CHD5: variants seen among roughly 807,000 people sequenced by gnomAD.
CHD5 encodes chromodomain helicase DNA binding protein 5.
Under a neutral mutation model 230.3 loss-of-function variants are expected in CHD5, and 69 were observed. The ratio of observed to expected loss-of-function variants is 0.30; its 90% confidence interval spans 0.25 to 0.37. The LOEUF is 0.37. Among genes scored for constraint, CHD5 ranks in the 10% least tolerant of loss-of-function variants. CHD5 has a pLI of 1.00. For synonymous variants in CHD5, 1,064 were observed against 1,065.9 expected (o/e 1.00, Z 0.03); for missense variants, 1,827 against 2,622.8 (o/e 0.70, Z 6.63).
In CHD5 at chr1:6,146,645, C is replaced by T. The variant is rs1356927741; in HGVS notation, c.1590+20G>A. On this transcript the variant is annotated intron_variant, in intron 10 of 41. Transcript: ENST00000262450. The surrounding 1 kb of genome is among the most constrained non-coding windows in gnomAD (Gnocchi z 5.1). Reference sequence around the variant, plus strand: ...CACCAGGTCCCGGGCCTTAGCACAGCCACCCTCCCGGGCACTCACCTGTAG... The same window carrying T: ...CACCAGGTCCCGGGCCTTAGCACAGTCACCCTCCCGGGCACTCACCTGTAG... The T allele has an allele frequency of 6.2e-7, 1 of 1,612,594 alleles. No individual in the cohort carries two copies. The highest frequency in any genetic ancestry group is 2.2e-5 in the East Asian group (1 of 44,864).
In CHD5 at chr1:6,121,855, G is replaced by A. The variant is rs1666477489; in HGVS notation, c.4700-282C>T. 2.0e-5 allele frequency among the ~76,000 whole-genome samples: 3 copies of A among 152,192 alleles called. No individual in the cohort carries two copies. Among genetic ancestry groups the A allele is most frequent in the South Asian group, 4.1e-4 (2 of 4,828 alleles). Reference sequence around the variant, plus strand: ...GCCGTGGCTGCTCATCTGGAGGCAGGGAAGTGAGGCAGATGGAGGCCCAGA... The same window carrying A: ...GCCGTGGCTGCTCATCTGGAGGCAGAGAAGTGAGGCAGATGGAGGCCCAGA... On this transcript the variant is annotated intron_variant, in intron 31 of 41. Transcript: ENST00000262450. The surrounding 1 kb of genome is among the most constrained non-coding windows in gnomAD (Gnocchi z 4.5).
chr1:6,130,216 G>A lies in CHD5; in HGVS notation c.3375C>T (p.His1125=), dbSNP rs1666633651. The change falls in exon 22 of 42, where the codon CAC becomes CAT. Residue 1125 remains histidine (H), a synonymous_variant. Transcript: ENST00000262450. The surrounding 1 kb of genome is among the most constrained non-coding windows in gnomAD (Gnocchi z 4.9). ...CAGCAGCACAGACCTGGATGTCATT[G>A]TGCGGGTTCCAGTCCGAGTCGTAGA... The part of the protein sequence containing the change: ...VIIYDSDWNP[H]NDIQAFSRAH... 1.2e-6 allele frequency: 2 copies of A among 1,614,068 alleles called. No homozygotes were observed. Among genetic ancestry groups the A allele is most frequent in the Non-Finnish European group, 1.7e-6 (2 of 1,179,974 alleles).
chr1:6,136,817 T>C lies in CHD5; in HGVS notation c.2485A>G (p.Ile829Val), dbSNP rs1163116197. 1 of 1,613,780 alleles carries C rather than the reference T, an allele frequency of 6.2e-7. No homozygotes were observed. The highest frequency in any genetic ancestry group is 8.5e-7 in the Non-Finnish European group (1 of 1,179,792). The change falls in exon 16 of 42, where the codon ATC becomes GTC. Residue 829 changes from isoleucine to valine, a missense_variant. By Grantham distance (29) the Ile-to-Val change is conservative (BLOSUM62 3). This residue lies in a region of CHD5 where 80 missense variants were observed against 96.4 expected (regional missense o/e 0.83). Coordinates refer to ENST00000262450, the MANE Select transcript of CHD5 (RefSeq NM_015557.3). ...FHVLLTSYEL[I>V]TIDQAILGSI... ...CCCAGGATGGCCTGGTCAATGGTGA[T>C]GAGCTCATAGGAGGTGAGCAGCACG...
rs1667056923 is a variant in CHD5 at position 6,154,827 on chromosome 1, C to T, written c.578G>A (p.Arg193Gln). The change falls in exon 5 of 42, where the codon CGG becomes CAG. Residue 193 changes from arginine (R) to glutamine (Q), a missense_variant. Physicochemically the swap from Arg to Gln is conservative, Grantham distance 43. Coordinates refer to ENST00000262450, the MANE Select transcript of CHD5 (RefSeq NM_015557.3). The surrounding 1 kb of genome is among the most constrained non-coding windows in gnomAD (Gnocchi z 7.0). ...KMMTVLGAKW[R>Q]EFSANNPFKG... is the part of the protein sequence containing the mutation. ...GAAGGGGTTGTTGGCGCTGAACTCC[C>T]GCCACTTGGCACCCAGGACGGTCAT... The T allele has an allele frequency of 3.1e-6, 5 of 1,614,036 alleles. No homozygotes were observed. The highest frequency in any genetic ancestry group is 4.2e-6 in the Non-Finnish European group (5 of 1,179,980).
rs1666627278 is a variant in CHD5 at position 6,129,930 on chromosome 1, T to G, written c.3387+274A>C. On this transcript the variant is annotated intron_variant, in intron 22 of 41. Coordinates refer to ENST00000262450, the MANE Select transcript of CHD5 (RefSeq NM_015557.3). The surrounding 1 kb of genome is among the most constrained non-coding windows in gnomAD (Gnocchi z 6.8). ...AGGATGATGGGAAAGACCAGATCAG[T>G]GGCCACTAGGAACTGCTGTGCGCCC... 6.6e-6 allele frequency among the ~76,000 whole-genome samples: 1 copy of G among 152,122 alleles called. No individual in the cohort carries two copies. The highest frequency in any genetic ancestry group is 2.4e-5 in the African/African-American group (1 of 41,426).
Position 6,146,924 on chromosome 1 carries a change from T to C in CHD5, c.1384-53A>G. 7.3e-7 allele frequency: 1 copy of C among 1,363,506 alleles called. No homozygotes were observed. Among genetic ancestry groups the C allele is most frequent in the South Asian group, 1.5e-5 (1 of 66,184 alleles). The allele number at this position is 1,363,506 out of a possible 1,614,324, so 84.5% of individuals were successfully genotyped here. A position where few individuals can be genotyped will look rare whatever the true frequency, so the allele number is the denominator to read the frequency against. ...GGGGCTCAGCTGCAGGGCCCCACCCTGAGGCTCCCATGACAGCAGGCTGCC... is the reference window on the plus strand; with the variant it reads ...GGGGCTCAGCTGCAGGGCCCCACCCCGAGGCTCCCATGACAGCAGGCTGCC... On this transcript the variant is annotated intron_variant, in intron 9 of 41. Transcript: ENST00000262450. This position sits in a 1 kb window ranked among gnomAD's most constrained non-coding sequence, Gnocchi z 5.1.
At chr1:6,160,188 A>G (rs1185909070) in intron 2 of CHD5, among the ~76,000 whole-genome samples, 2 of 95,966 alleles carry the variant, frequency 2.1e-5, no homozygotes, top group Non-Finnish European at 4.0e-5. Flanking sequence ...GAAGGGCCCC[A>G]GCCAGAGAAG....
At chr1:6,171,250 C>T (rs1667333885) in intron 1 of CHD5, among the ~76,000 whole-genome samples, 1 of 152,218 alleles carries the variant, frequency 6.6e-6, no homozygotes, top group Non-Finnish European at 1.5e-5. Flanking sequence ...CTGGCCCTAA[C>T]CCACGCCCAG....
chr1:6,148,799 G>T, intron 9 of CHD5, 55 bp downstream of exon 9: 3 of 1,412,622 alleles, frequency 2.1e-6, no homozygotes. Flanking sequence ...CTGGGGGCGG[G>T]GCCTGTTCCT....
intron 1 of CHD5, among the ~76,000 whole-genome samples, chr1:6,169,291 C>G (rs1667301010): frequency 6.6e-6 from 1 of 152,252 alleles, no homozygotes; most frequent in South Asian, 2.1e-4. Context: ...CAGCTGGGCA[C>G]TAGAAAGCTG....
intron 1 of CHD5, 94 bp from the exon 2 acceptor site, chr1:6,168,371 C>A: frequency 1.4e-6 from 2 of 1,445,666 alleles, no homozygotes; most frequent in Non-Finnish European, 1.9e-6. Context: ...CTGGGACCCC[C>A]AGACACCCAA....
Position 6,111,799 on chromosome 1 carries a change from T to C in CHD5, c.5225A>G (p.Tyr1742Cys), listed in dbSNP as rs1017414532. 6.2e-6 allele frequency: 10 copies of C among 1,613,436 alleles called. No individual in the cohort carries two copies. Among genetic ancestry groups the C allele is most frequent in the Non-Finnish European group, 7.6e-6 (9 of 1,179,970 alleles). Residue 1742 changes from tyrosine to cysteine, a missense_variant, in exon 36 of 42, where the codon TAC becomes TGC. By Grantham distance (194) the Tyr-to-Cys change is radical. Transcript: ENST00000262450. ...CGTCACGATGCCCGCCAGCAGCCAG[T>C]AGTCATGGCGCCGGTGCCAGATGTC... ...IYDIWHRRHDYWLLAGIVTHG... is the reference protein window; with the variant it reads ...IYDIWHRRHDCWLLAGIVTHG...
At chr1:6,145,014 T>C (rs937406293) in intron 11 of CHD5, among the ~76,000 whole-genome samples, 7 of 152,186 alleles carry the variant, frequency 4.6e-5, no homozygotes, top group African/African-American at 1.7e-4. Flanking sequence ...TAGCATGTAA[T>C]TTAGTAAAGG....
At position 6,106,416 on chromosome 1, in the gene CHD5, G is replaced by A. The variant is rs759946382; in HGVS notation, c.5836C>T (p.Pro1946Ser). ...PGGIVNYNQM[P>S]LGPYVTDI ...CTACCGGTCACATAGGGCCCCAGGGGCATCTGGTTGTAGTTGACAATCCCT... is the reference window on the plus strand; with the variant it reads ...CTACCGGTCACATAGGGCCCCAGGGACATCTGGTTGTAGTTGACAATCCCT... The change falls in exon 40 of 42, where the codon CCC becomes TCC. Residue 1946 changes from proline (P) to serine (S), a missense_variant. Pro to Ser is a moderately conservative substitution (Grantham distance 74). Coordinates refer to ENST00000262450, the MANE Select transcript of CHD5 (RefSeq NM_015557.3). 7.5e-6 allele frequency: 12 copies of A among 1,589,832 alleles called. No individual in the cohort carries two copies. The highest frequency in any genetic ancestry group is 1.0e-5 in the Non-Finnish European group (12 of 1,168,738).
At position 6,111,674 on chromosome 1, in the gene CHD5, G is replaced by A. The variant is rs1310188370; in HGVS notation, c.5249+101C>T. On this transcript the variant is annotated intron_variant, in intron 36 of 41. Transcript: ENST00000262450. ...ACCGCCAGAAGTGAGGAAGATTGAG[G>A]AAGAACGAGGAAGGCTTCCCCCGGA... is the stretch of plus-strand genomic sequence containing the variant. 18 of 875,858 alleles carry A rather than the reference G, an allele frequency of 2.1e-5. No individual in the cohort carries two copies. The Admixed American group carries it at 3.2e-4, about 16-fold the overall frequency. The allele number at this position is 875,858 out of a possible 1,614,324, so 54.3% of individuals were successfully genotyped here.
Position 6,143,841 on chromosome 1 carries a change from C to T in CHD5, c.2025G>A (p.Pro675=), listed in dbSNP as rs201172094. The T allele has an allele frequency of 2.5e-5, 41 of 1,612,294 alleles. 1 individual carries two copies. Among genetic ancestry groups the T allele is most frequent in the Admixed American group, 1.0e-4 (6 of 60,008 alleles). The change falls in exon 13 of 42, where the codon CCG becomes CCA. Residue 675 remains proline, a synonymous_variant. Transcript: ENST00000262450. ...CACTCACGTCCACAATGGGCGTGTCCGGCGGCTTCTCCTGCTTGTCGTCCC... is the reference window on the plus strand; with the variant it reads ...CACTCACGTCCACAATGGGCGTGTCTGGCGGCTTCTCCTGCTTGTCGTCCC... ...KLRDDKQEKP[P]DTPIVDPTVK... is the part of the protein sequence containing the mutation.
Position 6,112,334 on chromosome 1 carries a change from G to A in CHD5, c.5003-57C>T. ...TCCATCCAAAAAGCAGTGCCCAGCGGCCTCTCTCTGCCAAGCACGGGGGAC... is the reference window on the plus strand; with the variant it reads ...TCCATCCAAAAAGCAGTGCCCAGCGACCTCTCTCTGCCAAGCACGGGGGAC... On this transcript the variant is annotated intron_variant, in intron 34 of 41. Coordinates refer to ENST00000262450, the MANE Select transcript of CHD5 (RefSeq NM_015557.3). 3 of 1,594,260 alleles carry A rather than the reference G, an allele frequency of 1.9e-6. No homozygotes were observed. The Admixed American group carries it at 5.2e-5, about 28-fold the overall frequency.
chr1:6,148,332 G>A (rs1666943442), intron 9 of CHD5, among the ~76,000 whole-genome samples: 1 of 151,672 alleles, frequency 6.6e-6, no homozygotes, highest in Non-Finnish European at 1.5e-5. Context: ...TCCTGCCCTA[G>A]AAGCCTCCTG....
chr1:6,120,315 T>G (rs1666448341), intron 33 of CHD5, among the ~76,000 whole-genome samples: 1 of 152,036 alleles, frequency 6.6e-6, no homozygotes, highest in Non-Finnish European at 1.5e-5. Context: ...ACAATGCAAT[T>G]GAGTCAGAAA....
Sources: allele counts gnomAD v4.1 joint callset (sites outside exome capture counted in the v4.1 genomes callset), GRCh38; gene constraint gnomAD v4.1.1; regional missense constraint gnomAD v4.1.1; non-coding constraint Gnocchi (gnomAD v3.1); transcripts MANE v1.5; gene names NCBI Gene and HGNC (gene_info 2026-07-23, HGNC 2026-07-21).